LRRC43: variants seen among roughly 807,000 people sequenced by gnomAD.
LRRC43 encodes leucine rich repeat containing 43.
LRRC43 carries 62 observed loss-of-function variants against 64.3 expected under a neutral mutation model. The ratio of observed to expected loss-of-function variants is 0.96; its 90% CI spans 0.79 to 1.19. The LOEUF is 1.19. Ranked by LOEUF, LRRC43 falls within the 50% of genes most tolerant of loss-of-function variation. The pLI, the probability that LRRC43 is intolerant of heterozygous loss-of-function variation, is 0.00. For synonymous variants in LRRC43, 422 were observed against 382.3 expected (o/e 1.10, Z -1.21); for missense variants, 868 against 845.0 (o/e 1.03, Z -0.34).
chr12:122,173,822 A>G, intron 1 of LRRC43: 1 of 1,607,358 alleles, frequency 6.2e-7, no homozygotes, highest in Non-Finnish European at 8.5e-7. Flanking sequence ...TCGTTTAGAA[A>G]AGAAATCTCT....
chr12:122,200,110 C>T lies in LRRC43; in HGVS notation c.1350-79C>T. On this transcript the variant is annotated intron_variant, in intron 7 of 11. Transcript: ENST00000339777. The surrounding 1 kb of genome is among the most constrained non-coding windows in gnomAD (Gnocchi z 4.6). ...CGATGCTCGTGGTCTCCTCGGATGT[C>T]CCCTCACAGTCCTGTCCCGGGTCCC... is the stretch of plus-strand genomic sequence containing the variant. 6.8e-7 allele frequency: 1 copy of T among 1,480,990 alleles called. No individual in the cohort carries two copies. The highest frequency in any genetic ancestry group is 2.3e-5 in the East Asian group (1 of 44,046). The allele number at this position is 1,480,990 out of a possible 1,614,324, so 91.7% of individuals were successfully genotyped here. A position where few individuals can be genotyped will look rare whatever the true frequency, so the allele number is the denominator to read the frequency against.
chr12:122,172,461 T>C (rs1314644204), intron 1 of LRRC43: 1 of 1,614,098 alleles, frequency 6.2e-7, no homozygotes, highest in African/African-American at 1.3e-5. Context: ...TAGTGCGAGG[T>C]CCATGCACTC....
intron 6 of LRRC43, among the ~76,000 whole-genome samples, chr12:122,191,891 T>G (rs1953723027): frequency 6.6e-6 from 1 of 152,134 alleles, no homozygotes; most frequent in South Asian, 2.1e-4. Context: ...TGAGCTCAAG[T>G]GATCCTCGGC....
chr12:122,174,189 G>A (rs533053310), intron 1 of LRRC43: 6 of 1,614,084 alleles, frequency 3.7e-6, no homozygotes, highest in South Asian at 2.2e-5. Flanking sequence ...AGAGAGCAAG[G>A]CCAGCTTCAG....
At chr12:122,177,812 T>TTTTA (rs56698669) in intron 1 of LRRC43, among the ~76,000 whole-genome samples, 18,699 of 138,332 alleles carry the variant, frequency 0.14, 1,477 homozygotes, top group South Asian at 0.19. Flanking sequence ...ACCTTTGTGG[T>TTTTA]TTTATTTATT....
intron 1 of LRRC43, among the ~76,000 whole-genome samples, chr12:122,168,379 T>G (rs1406629802): frequency 6.6e-6 from 1 of 150,962 alleles, no homozygotes; most frequent in Non-Finnish European, 1.5e-5. Context: ...ACGTGGAGAT[T>G]GTAATGAGCC....
intron 3 of LRRC43, among the ~76,000 whole-genome samples, chr12:122,187,094 C>T (rs1314466513): frequency 6.7e-6 from 1 of 149,382 alleles, no homozygotes; most frequent in Non-Finnish European, 1.5e-5. Context: ...AGCCAGGCGT[C>T]GTGGCTGGTG....
intron 4 of LRRC43, among the ~76,000 whole-genome samples, chr12:122,189,139 G>A (rs1426935969): frequency 6.6e-6 from 1 of 152,162 alleles, no homozygotes; most frequent in Non-Finnish European, 1.5e-5. Flanking sequence ...GGGGTAGGAG[G>A]GGATCAGAGA....
chr12:122,171,491 A>G (rs1953484670), intron 1 of LRRC43, among the ~76,000 whole-genome samples: 1 of 151,514 alleles, frequency 6.6e-6, no homozygotes, highest in Admixed American at 6.6e-5. Flanking sequence ...CCTCCCAAGT[A>G]GCACACCACC....
chr12:122,183,565 G>A (rs1259497771), intron 1 of LRRC43, among the ~76,000 whole-genome samples: 1 of 152,184 alleles, frequency 6.6e-6, no homozygotes, highest in African/African-American at 2.4e-5. Context: ...GATTTCTAGT[G>A]GGCAGGCTCC....
chr12:122,184,646 C>T lies in LRRC43; in HGVS notation c.278C>T (p.Ser93Phe), dbSNP rs777230754. ...CTGGGCCTGGTCCGCAGCCGCCACT[C>T]CCCCTGGGCTCTGCTGAACAACTCG... The part of the protein sequence containing the change: ...ALLGLVRSRH[S>F]PWALLNNSNA... The change falls in exon 2 of 12, where the codon TCC (serine) becomes TTC (phenylalanine). Residue 93 changes from serine (S) to phenylalanine (F), a missense_variant. Physicochemically the swap from Ser to Phe is radical, Grantham distance 155. Transcript: ENST00000339777. The surrounding 1 kb of genome is among the most constrained non-coding windows in gnomAD (Gnocchi z 4.0). 6 of 1,613,982 alleles carry T rather than the reference C, an allele frequency of 3.7e-6. No individual in the cohort carries two copies. The highest frequency in any genetic ancestry group is 1.1e-5 in the South Asian group (1 of 91,088).
chr12:122,201,284 T>G lies in LRRC43; in HGVS notation c.1810-12T>G. 1 of 1,613,996 alleles carries G rather than the reference T, an allele frequency of 6.2e-7. No homozygotes were observed. ...TCCAGTAAGCATCTCGTTTTGTGGTTCTTTCTCTCAGGATTCAAAGAAGAT... is the reference window on the plus strand; with the variant it reads ...TCCAGTAAGCATCTCGTTTTGTGGTGCTTTCTCTCAGGATTCAAAGAAGAT... On this transcript the variant is annotated splice_polypyrimidine_tract_variant and intron_variant, in intron 10 of 11. Transcript: ENST00000339777.
intron 1 of LRRC43, among the ~76,000 whole-genome samples, chr12:122,177,668 C>A (rs1184476531): frequency 1.3e-5 from 2 of 151,316 alleles, no homozygotes; most frequent in African/African-American, 4.8e-5. Flanking sequence ...CCATGCCTGG[C>A]TAATTTTTCT....
Position 122,186,261 on chromosome 12 carries a change from C to A in LRRC43, c.483C>A (p.Ile161=), listed in dbSNP as rs1466442607. The A allele has an allele frequency of 6.2e-7, 1 of 1,605,494 alleles. No homozygotes were observed. Among genetic ancestry groups the A allele is most frequent in the East Asian group, 2.2e-5 (1 of 44,636 alleles). ...LEELVLSANR[I]KEVDATNLPP... ...AGTTGGTACTGAGCGCCAATCGAATCAAGGAGGTGGATGCCACCAATCTGC... is the reference window on the plus strand; with the variant it reads ...AGTTGGTACTGAGCGCCAATCGAATAAAGGAGGTGGATGCCACCAATCTGC... Residue 161 remains isoleucine (I), a synonymous_variant, in exon 3 of 12, where the codon ATC becomes ATA. Coordinates refer to ENST00000339777, the MANE Select transcript of LRRC43 (RefSeq NM_001098519.2).
At chr12:122,191,657 AATTAATTT>A (rs1169169894) in intron 6 of LRRC43, 90 bp downstream of exon 6, 1 of 1,035,972 alleles carries the variant, frequency 9.7e-7, no homozygotes, top group African/African-American at 1.6e-5. Flanking sequence ...TTAATTAATT[AATTAATTT>A]ATTTATTGAG....
chr12:122,183,348 C>T, intron 1 of LRRC43, 54 bp downstream of exon 1: 21 of 1,385,810 alleles, frequency 1.5e-5, no homozygotes, highest in Non-Finnish European at 1.9e-5. Flanking sequence ...CGGGGAGGCA[C>T]GGGCCCGGGC....
At chr12:122,183,090 G>C (rs1278808173), upstream of LRRC43, 5 of 1,509,876 alleles carry the variant, frequency 3.3e-6, no homozygotes, top group Non-Finnish European at 8.8e-7. Flanking sequence ...CGCCTGGAGA[G>C]GCCCCTGCCC....
chr12:122,198,003 G>T (rs952583218), intron 7 of LRRC43, among the ~76,000 whole-genome samples: 3 of 151,170 alleles, frequency 2.0e-5, no homozygotes, highest in Non-Finnish European at 4.4e-5. Context: ...TTTTTGAGAT[G>T]GAGTTTCACT....
intron 1 of LRRC43, among the ~76,000 whole-genome samples, chr12:122,176,431 T>G (rs541952821): frequency 3.9e-5 from 6 of 152,326 alleles, no homozygotes; most frequent in Non-Finnish European, 7.3e-5. Flanking sequence ...GCCTGGGTTT[T>G]ATTCCACATG....
Sources: gnomAD v4.1 joint callset for allele counts (sites outside exome capture counted in the v4.1 genomes callset) on GRCh38, gnomAD v4.1.1 for gene constraint, Gnocchi (gnomAD v3.1) non-coding constraint, MANE v1.5 for transcripts, NCBI Gene and HGNC (gene_info 2026-07-23, HGNC 2026-07-21) for gene names.